The following ALMS1 variants were observed in gnomAD, a reference collection of about 807,000 sequenced individuals.
The protein encoded by ALMS1 is ALMS1 centrosome and basal body associated protein.
ALMS1 carries 271 observed loss-of-function variants against 352.2 expected under a neutral mutation model. The ratio of observed to expected loss-of-function variants is 0.77; its 90% confidence interval spans 0.70 to 0.85. The LOEUF is 0.85. ALMS1 is among the 40% of genes least tolerant of loss of function. The pLI is 0.00. For missense variants in ALMS1, 5,445 were observed against 4,870.7 expected (o/e 1.12, Z -3.51); for synonymous variants, 1,865 against 1,761.2 (o/e 1.06, Z -1.48).
intron 15 of ALMS1, among the ~76,000 whole-genome samples, chr2:73,561,907 CATG>C (rs1197571153): frequency 6.7e-6 from 1 of 149,436 alleles, no homozygotes; most frequent in Non-Finnish European, 1.5e-5. Flanking sequence ...TTTTAGAAGA[CATG>C]AAGTATATGA....
chr2:73,607,293 T>C (rs924909389), intron 21 of ALMS1, among the ~76,000 whole-genome samples: 12 of 152,264 alleles, frequency 7.9e-5, no homozygotes, highest in African/African-American at 2.9e-4. Context: ...TGAAACATAC[T>C]TGTAACATAT....
Position 73,489,975 on chromosome 2 carries a change from C to G in ALMS1, c.8016C>G (p.Phe2672Leu). 3.7e-6 allele frequency: 6 copies of G among 1,614,178 alleles called. No individual in the cohort carries two copies. Among genetic ancestry groups the G allele is most frequent in the African/African-American group, 1.3e-5 (1 of 75,044 alleles). The stretch of plus-strand genomic sequence containing the variant: ...TCAGCAAAGGTCTTCGAATGCCATT[C>G]GATGAAAAGATGGACCCTTGGCTGT... ...FKISKGLRMPFDEKMDPWLSE... is the reference protein window; with the variant it reads ...FKISKGLRMPLDEKMDPWLSE... The change falls in exon 10 of 23, where the codon TTC becomes TTG. Residue 2672 changes from phenylalanine to leucine, a missense_variant. Coordinates refer to ENST00000613296, the MANE Select transcript of ALMS1 (RefSeq NM_001378454.1).
chr2:73,500,061 T>C (rs1489217808), intron 10 of ALMS1, among the ~76,000 whole-genome samples: 1 of 152,226 alleles, frequency 6.6e-6, no homozygotes, highest in Non-Finnish European at 1.5e-5. Context: ...TATTCCTTAA[T>C]AGCAGTGCAA....
In ALMS1 at chr2:73,491,341, G is replaced by C; in HGVS notation, c.9382G>C (p.Val3128Leu). 6.2e-7 allele frequency: 1 copy of C among 1,614,138 alleles called. No homozygotes were observed. The highest frequency in any genetic ancestry group is 8.5e-7 in the Non-Finnish European group (1 of 1,180,024). The stretch of plus-strand genomic sequence containing the variant: ...TAAATCTTCACTGGATTTCCAAGTC[G>C]TACAGCCTTCTCTTCCAGACAGTAA... Reference protein sequence around the residue: ...GPKSSLDFQVVQPSLPDSNTI... With the variant: ...GPKSSLDFQVLQPSLPDSNTI... Residue 3128 changes from valine (V) to leucine (L), a missense_variant, in exon 10 of 23, where the codon GTA becomes CTA. Coordinates refer to ENST00000613296, the MANE Select transcript of ALMS1 (RefSeq NM_001378454.1).
intron 5 of ALMS1, 73 bp from the exon 6 acceptor site, chr2:73,426,380 A>C (rs1671378621): frequency 1.4e-6 from 2 of 1,473,580 alleles, no homozygotes; most frequent in Non-Finnish European, 9.5e-7. Context: ...CCAAGGTGAA[A>C]GTCCTTCGTG....
chr2:73,502,945 A>C (rs1283513391), intron 10 of ALMS1, among the ~76,000 whole-genome samples: 3 of 152,150 alleles, frequency 2.0e-5, no homozygotes, highest in Non-Finnish European at 4.4e-5. Context: ...GACCTGCTGC[A>C]CAATCACTTT....
At chr2:73,557,669 G>C (rs1047724256) in intron 14 of ALMS1, among the ~76,000 whole-genome samples, 1 of 152,094 alleles carries the variant, frequency 6.6e-6, no homozygotes, top group Non-Finnish European at 1.5e-5. Context: ...TCTCAATTCT[G>C]TGAGACACGG....
At chr2:73,501,792 A>C (rs368011531) in intron 10 of ALMS1, among the ~76,000 whole-genome samples, 14 of 152,198 alleles carry the variant, frequency 9.2e-5, no homozygotes, top group African/African-American at 3.4e-4. Context: ...TTTTCATACA[A>C]ATTTTAGAAT....
chr2:73,543,096 C>T (rs539290395), intron 12 of ALMS1, among the ~76,000 whole-genome samples: 45 of 152,270 alleles, frequency 3.0e-4, no homozygotes, highest in Non-Finnish European at 5.3e-4. Context: ...GGAGGCATGA[C>T]GCTACCTGAC....
At chr2:73,389,983 G>A (rs375667209) in intron 1 of ALMS1, among the ~76,000 whole-genome samples, 4 of 152,194 alleles carry the variant, frequency 2.6e-5, no homozygotes, top group African/African-American at 4.8e-5. Context: ...CACCGCGCCC[G>A]GCCTCTAATC....
intron 21 of ALMS1, among the ~76,000 whole-genome samples, chr2:73,606,383 G>A (rs1483826664): frequency 6.6e-6 from 1 of 152,150 alleles, no homozygotes; most frequent in Non-Finnish European, 1.5e-5. Flanking sequence ...ATGGAATTAG[G>A]GGAAATCATA....
At chr2:73,386,879 C>G (rs1245563173) in intron 1 of ALMS1, among the ~76,000 whole-genome samples, 2 of 152,168 alleles carry the variant, frequency 1.3e-5, no homozygotes, top group East Asian at 3.8e-4. Flanking sequence ...CCCTTACCCC[C>G]CTTTTTTTAA....
At chr2:73,479,680 C>T (rs775311016) in intron 9 of ALMS1, among the ~76,000 whole-genome samples, 58 of 152,292 alleles carry the variant, frequency 3.8e-4, no homozygotes, top group Non-Finnish European at 6.6e-4. Flanking sequence ...CTGCTGTAAA[C>T]ATTCATATGC....
intron 2 of ALMS1, among the ~76,000 whole-genome samples, chr2:73,417,839 G>C (rs1450775190): frequency 3.3e-5 from 5 of 152,044 alleles, no homozygotes; most frequent in Admixed American, 6.6e-5. Context: ...AATTCAAAAG[G>C]AAAATACCTT....
At chr2:73,510,183 A>G (rs576119408) in intron 10 of ALMS1, among the ~76,000 whole-genome samples, 10 of 152,244 alleles carry the variant, frequency 6.6e-5, no homozygotes, top group Admixed American at 5.9e-4. Context: ...AGCTCGGAGA[A>G]GTTTGTTATT....
At chr2:73,468,448 A>T (rs767465607) in intron 9 of ALMS1, among the ~76,000 whole-genome samples, 2 of 152,046 alleles carry the variant, frequency 1.3e-5, no homozygotes, top group Admixed American at 1.3e-4. Flanking sequence ...TGTTAAGTAC[A>T]TTCATATTGT....
intron 12 of ALMS1, among the ~76,000 whole-genome samples, chr2:73,542,397 C>A (rs1674205661): frequency 6.6e-6 from 1 of 152,118 alleles, no homozygotes. Flanking sequence ...CTATGACAAA[C>A]CCACAGCCAA....
chr2:73,556,093 A>T (rs1386728196), intron 13 of ALMS1, among the ~76,000 whole-genome samples: 1 of 152,150 alleles, frequency 6.6e-6, no homozygotes, highest in Non-Finnish European at 1.5e-5. Context: ...GAAACATTAT[A>T]TTTGTAATAT....
chr2:73,406,718 C>T lies in ALMS1; in HGVS notation c.325-1904C>T, dbSNP rs991459579. ...GCTTTGCCCCCCAACCTCCACCTCC[C>T]GGGTTCAAGTGGTTCTCCTGTCTTA... On this transcript the variant is annotated intron_variant, in intron 1 of 22. Coordinates refer to ENST00000613296, the MANE Select transcript of ALMS1 (RefSeq NM_001378454.1). Among the ~76,000 whole-genome samples, 6 of 152,150 alleles carry T rather than the reference C, an allele frequency of 3.9e-5. No individual in the cohort carries two copies. The East Asian group carries it at 5.8e-4, about 15-fold the overall frequency.
Sources: gnomAD v4.1 joint callset for allele counts (sites outside exome capture counted in the v4.1 genomes callset) on GRCh38, gnomAD v4.1.1 for gene constraint, MANE v1.5 for transcripts, NCBI Gene and HGNC (gene_info 2026-07-23, HGNC 2026-07-21) for gene names.